The following PDE3B variants were observed in gnomAD, a reference collection of about 807,000 sequenced individuals.
PDE3B encodes phosphodiesterase 3B.
Under a neutral mutation model 116.8 loss-of-function variants are expected in PDE3B, and 66 were observed. The ratio of observed to expected loss-of-function variants is 0.56; its 90% CI spans 0.46 to 0.69. The LOEUF is 0.69. Among genes scored for constraint, PDE3B ranks in the 30% least tolerant of loss-of-function variants. The probability of loss-of-function intolerance (pLI) is 0.00; values close to 1 mark genes in which losing one functional copy is unlikely to be tolerated. For synonymous variants in PDE3B, 595 were observed against 533.6 expected, an observed-to-expected ratio of 1.12 and a Z score of -1.59; for missense variants, 1,384 against 1,368.1, an observed-to-expected ratio of 1.01 and a Z score of -0.18.
chr11:14,751,392 TTC>T (rs1857052671), intron 1 of PDE3B, among the ~76,000 whole-genome samples: 1 of 152,180 alleles, frequency 6.6e-6, no homozygotes. Context: ...TCTACCTAAT[TTC>T]TCTGATACGC....
intron 1 of PDE3B, among the ~76,000 whole-genome samples, chr11:14,703,949 C>A (rs1855450931): frequency 1.3e-5 from 2 of 151,612 alleles, no homozygotes; most frequent in African/African-American, 4.8e-5. Flanking sequence ...GTATAGAATT[C>A]TGACAAGTCT....
chr11:14,891,184 G>A, the PDE3B span: 1 of 985,308 alleles, frequency 1.0e-6, no homozygotes, highest in Non-Finnish European at 1.2e-6. Context: ...TCCGCTGCCA[G>A]TCACAGGGCA....
chr11:14,830,110 C>T (rs1355554159), intron 7 of PDE3B, among the ~76,000 whole-genome samples: 1 of 152,056 alleles, frequency 6.6e-6, no homozygotes, highest in African/African-American at 2.4e-5. Context: ...GTTATTTATT[C>T]TACTGTCGAT....
At chr11:14,851,506 TG>T (rs10666771) in intron 12 of PDE3B, among the ~76,000 whole-genome samples, 1 of 133,896 alleles carries the variant, frequency 7.5e-6, no homozygotes, top group Admixed American at 7.2e-5. Flanking sequence ...ATGGGTATAA[TG>T]GGGTGTGTGT....
intron 2 of PDE3B, among the ~76,000 whole-genome samples, chr11:14,783,319 T>C (rs1858086317): frequency 6.6e-6 from 1 of 152,186 alleles, no homozygotes; most frequent in Non-Finnish European, 1.5e-5. Flanking sequence ...TGTATGTTTA[T>C]TGCGGCACTA....
chr11:14,718,135 A>C (rs1475430381), intron 1 of PDE3B, among the ~76,000 whole-genome samples: 2 of 138,082 alleles, frequency 1.4e-5, no homozygotes, highest in African/African-American at 5.5e-5. Flanking sequence ...TCTCTGATAA[A>C]ACAGACTTTA....
chr11:14,676,652 A>C (rs1854539017), intron 1 of PDE3B, among the ~76,000 whole-genome samples: 1 of 152,122 alleles, frequency 6.6e-6, no homozygotes, highest in Admixed American at 6.6e-5. Context: ...ATTACTTTAT[A>C]AAAAAGTAAC....
At chr11:14,750,283 CAAGTT>C (rs1857022750) in intron 1 of PDE3B, among the ~76,000 whole-genome samples, 1 of 151,950 alleles carries the variant, frequency 6.6e-6, no homozygotes. Flanking sequence ...GAAACTCAGT[CAAGTT>C]AACACATAAA....
the PDE3B span, chr11:14,880,572 T>A: frequency 6.2e-7 from 1 of 1,613,282 alleles, no homozygotes; most frequent in African/African-American, 1.3e-5. Context: ...TGGTTATGTT[T>A]GAAACAGCAT....
chr11:14,673,776 A>G lies in PDE3B; in HGVS notation c.978+28723A>G, dbSNP rs570791232. 582 of 789,592 alleles carry G rather than the reference A, an allele frequency of 7.4e-4. 1 individual carries two copies. Among genetic ancestry groups the G allele is most frequent in the Non-Finnish European group, 1.1e-3 (469 of 429,102 alleles). The allele number at this position is 789,592 out of a possible 1,614,324, so 48.9% of individuals were successfully genotyped here. On this transcript the variant is annotated intron_variant, in intron 1 of 15. Transcript: ENST00000282096. The stretch of plus-strand genomic sequence containing the variant: ...TACAAGTAATCTCAGGAGATGTGGC[A>G]CTCCATACACCTGGGACATGGGTGC...
intron 1 of PDE3B, among the ~76,000 whole-genome samples, chr11:14,711,731 T>C (rs780408215): frequency 3.9e-5 from 6 of 152,092 alleles, no homozygotes; most frequent in Non-Finnish European, 7.4e-5. Context: ...CAATTCAACA[T>C]GAGATTTGTA....
chr11:14,811,132 G>A (rs1859113579), intron 5 of PDE3B, among the ~76,000 whole-genome samples: 1 of 152,110 alleles, frequency 6.6e-6, no homozygotes, highest in South Asian at 2.1e-4. Context: ...TGTTCACTCT[G>A]ATGGTAGTTT....
chr11:14,852,958 T>G (rs1329456076), intron 12 of PDE3B, among the ~76,000 whole-genome samples: 2 of 151,372 alleles, frequency 1.3e-5, no homozygotes, highest in Non-Finnish European at 2.9e-5. Flanking sequence ...TAAATGACAA[T>G]CATAAAATGT....
chr11:14,844,551 G>A (rs1036496230), intron 12 of PDE3B, among the ~76,000 whole-genome samples: 1 of 152,236 alleles, frequency 6.6e-6, no homozygotes, highest in Non-Finnish European at 1.5e-5. Flanking sequence ...CACTCGGGAA[G>A]CACAAGGGGT....
At chr11:14,781,789 A>G (rs1318465719) in intron 2 of PDE3B, among the ~76,000 whole-genome samples, 9 of 152,196 alleles carry the variant, frequency 5.9e-5, no homozygotes, top group South Asian at 2.1e-4. Flanking sequence ...CCTGTTCAAC[A>G]TAGTGTTGGA....
At chr11:14,898,593 G>T in the PDE3B span, among the ~76,000 whole-genome samples, 1 of 152,126 alleles carries the variant, frequency 6.6e-6, no homozygotes, top group South Asian at 2.1e-4. Context: ...TTTTACATAC[G>T]GATGTGGAAG....
chr11:14,800,406 A>G lies in PDE3B; in HGVS notation c.1416-3538A>G, dbSNP rs187148177. Among the ~76,000 whole-genome samples, 727 of 152,244 alleles carry G rather than the reference A, an allele frequency of 4.8e-3. 5 individuals carry two copies. Among genetic ancestry groups the G allele is most frequent in the Middle Eastern group, 0.014 (4 of 294 alleles). Reference sequence around the variant, plus strand: ...CTTGAACCTGGGAGGCGGAGGTGGCAGTGAGCTGAGATTGCACCACTGCAT... The same window carrying G: ...CTTGAACCTGGGAGGCGGAGGTGGCGGTGAGCTGAGATTGCACCACTGCAT... On this transcript the variant is annotated intron_variant, in intron 4 of 15. Transcript: ENST00000282096.
chr11:14,673,901 C>T (rs1854452591), intron 1 of PDE3B: 1 of 1,442,456 alleles, frequency 6.9e-7, no homozygotes, highest in East Asian at 2.3e-5. Flanking sequence ...TTATCCCTGC[C>T]ACAACTTCAT....
chr11:14,659,404 T>G (rs1220927563), intron 1 of PDE3B, among the ~76,000 whole-genome samples: 2 of 152,190 alleles, frequency 1.3e-5, no homozygotes, highest in African/African-American at 2.4e-5. Flanking sequence ...TAGGGAGAAC[T>G]TCATTTTTAA....
Sources: allele counts gnomAD v4.1 joint callset (sites outside exome capture counted in the v4.1 genomes callset), GRCh38; gene constraint gnomAD v4.1.1; transcripts MANE v1.5; gene names NCBI Gene and HGNC (gene_info 2026-07-23, HGNC 2026-07-21).